Variants in USP7 observed in about 807,000 individuals in gnomAD.
USP7 encodes ubiquitin C-terminal hydrolase 7.
USP7 carries 9 observed loss-of-function variants against 162.9 expected under a neutral mutation model. The ratio of observed to expected loss-of-function variants is 0.06; its 90% CI spans 0.03 to 0.10. The LOEUF is 0.10. USP7 is among the 10% of genes least tolerant of loss of function. The pLI is 1.00. For synonymous variants in USP7, 562 were observed against 475.9 expected, an observed-to-expected ratio of 1.18 and a Z score of -2.35; for missense variants, 715 against 1,373.7, an observed-to-expected ratio of 0.52 and a Z score of 7.58.
chr16:8,910,271 G>A (rs1016192348), intron 11 of USP7, among the ~76,000 whole-genome samples: 3 of 152,108 alleles, frequency 2.0e-5, no homozygotes, highest in Non-Finnish European at 2.9e-5. Flanking sequence ...CATGCTCACT[G>A]CTCTCTCAGA....
At chr16:8,918,744 G>C (rs761640834) in intron 6 of USP7, among the ~76,000 whole-genome samples, 1 of 152,218 alleles carries the variant, frequency 6.6e-6, no homozygotes, top group Non-Finnish European at 1.5e-5. Flanking sequence ...AGGAGACAGA[G>C]GCTGCAGTGA....
At chr16:8,901,999 C>G (rs2061782280) in intron 18 of USP7, 83 bp downstream of exon 18, 1 of 1,175,296 alleles carries the variant, frequency 8.5e-7, no homozygotes, top group African/African-American at 1.5e-5. Flanking sequence ...GGGAAGAAGG[C>G]TTAACCCTGT....
At chr16:8,919,980 A>G (rs906832297) in intron 5 of USP7, among the ~76,000 whole-genome samples, 2 of 152,092 alleles carry the variant, frequency 1.3e-5, no homozygotes, top group African/African-American at 4.8e-5. Flanking sequence ...CTCTTCCCCC[A>G]GTCCCCCCTT....
intron 2 of USP7, among the ~76,000 whole-genome samples, chr16:8,926,596 T>C (rs913537216): frequency 4.6e-5 from 7 of 152,222 alleles, no homozygotes; most frequent in African/African-American, 1.7e-4. Flanking sequence ...TGAGACTCAG[T>C]GATGGAGATC....
chr16:8,941,195 CCTGA>C (rs1899031973), intron 1 of USP7, among the ~76,000 whole-genome samples: 1 of 152,194 alleles, frequency 6.6e-6, no homozygotes. Context: ...GCCCTCTGTG[CCTGA>C]CTGGATACCT....
intron 6 of USP7, 79 bp from the exon 7 acceptor site, chr16:8,917,235 A>T: frequency 6.9e-7 from 1 of 1,459,402 alleles, no homozygotes; most frequent in Non-Finnish European, 9.1e-7. Flanking sequence ...TTTAATCTTC[A>T]TGTTTAAAAA....
At chr16:8,953,526 G>A (rs1899657685) in intron 1 of USP7, among the ~76,000 whole-genome samples, 1 of 128,158 alleles carries the variant, frequency 7.8e-6, no homozygotes, top group African/African-American at 2.8e-5. Context: ...GCCACTGGAA[G>A]CAGAGGGAAG....
Position 8,963,417 on chromosome 16 carries a change from C to A in USP7, c.-132G>T, listed in dbSNP as rs1460719252. On this transcript the variant is annotated 5_prime_UTR_variant, in exon 1 of 31. Coordinates refer to ENST00000344836, the MANE Select transcript of USP7 (RefSeq NM_003470.3). The stretch of plus-strand genomic sequence containing the variant: ...GCCTCCTCCTCCTCCTCCCGCGCGT[C>A]GTCGGCGACGGCGGCCCCGGGGCGG... 2.6e-5 allele frequency: 4 copies of A among 153,288 alleles called. No individual in the cohort carries two copies. In the South Asian group the frequency reaches 5.3e-4, roughly 20 times the overall value. 9.5% of individuals were successfully genotyped at this position (153,288 alleles called of 1,614,324 possible).
intron 25 of USP7, among the ~76,000 whole-genome samples, chr16:8,897,730 T>A (rs532991244): frequency 1.5e-3 from 106 of 70,080 alleles, no homozygotes; most frequent in African/African-American, 2.8e-3. Context: ...AAAAAAAATA[T>A]ATATATATAT....
intron 1 of USP7, among the ~76,000 whole-genome samples, chr16:8,938,744 G>C (rs1898893598): frequency 6.6e-6 from 1 of 151,410 alleles, no homozygotes; most frequent in Non-Finnish European, 1.5e-5. Flanking sequence ...GGGGGAGTCT[G>C]TACCAAACAT....
At chr16:8,904,713 C>A in intron 14 of USP7, 148 bp from the exon 15 acceptor site, 1 of 1,211,310 alleles carries the variant, frequency 8.3e-7, no homozygotes, top group Non-Finnish European at 1.1e-6. Context: ...GAGGCTGAGG[C>A]GGGCCGATCA....
At position 8,902,118 on chromosome 16, in the gene USP7, C is replaced by T; in HGVS notation, c.2011G>A (p.Ala671Thr). Residue 671 changes from alanine to threonine, a missense_variant, in exon 18 of 31, where the codon GCT becomes ACT. Transcript: ENST00000344836. ...FLETVDPELAASGATLPKFDK... is the reference protein window; with the variant it reads ...FLETVDPELATSGATLPKFDK... ...AACTTGGGTAAGGTCGCTCCACTAGCAGCCAGCTCGGGATCAACTGTTTCC... is the reference window on the plus strand; with the variant it reads ...AACTTGGGTAAGGTCGCTCCACTAGTAGCCAGCTCGGGATCAACTGTTTCC... 3.7e-6 allele frequency: 6 copies of T among 1,614,228 alleles called. No individual in the cohort carries two copies. Among genetic ancestry groups the T allele is most frequent in the Non-Finnish European group, 4.2e-6 (5 of 1,180,040 alleles).
intron 21 of USP7, 37 bp downstream of exon 21, chr16:8,900,493 T>G (rs2061757614): frequency 3.4e-6 from 5 of 1,453,224 alleles, no homozygotes; most frequent in Non-Finnish European, 4.7e-6. Context: ...ATCCTGAAAT[T>G]AGTACAAAGT....
intron 18 of USP7, 169 bp downstream of exon 18, chr16:8,901,913 G>C: frequency 1.6e-6 from 1 of 639,252 alleles, no homozygotes; most frequent in Admixed American, 3.0e-5. Context: ...GAAACTCGCA[G>C]CCAAGTCAGT....
intron 1 of USP7, among the ~76,000 whole-genome samples, chr16:8,953,361 T>TG (rs1176378571): frequency 6.6e-6 from 1 of 152,096 alleles, no homozygotes; most frequent in East Asian, 1.9e-4. Flanking sequence ...AGTCAGCAGA[T>TG]GTTTGATGAA....
At chr16:8,894,938 C>A in intron 28 of USP7, 83 bp from the exon 29 acceptor site, 2 of 1,613,566 alleles carry the variant, frequency 1.2e-6, no homozygotes, top group Non-Finnish European at 1.7e-6. Flanking sequence ...AAAACCAACG[C>A]CTAACCCCAG....
At chr16:8,894,155 C>T in intron 30 of USP7, 51 bp from the exon 31 acceptor site, 1 of 1,553,270 alleles carries the variant, frequency 6.4e-7, no homozygotes, top group Non-Finnish European at 8.9e-7. Context: ...CCCTGGAACC[C>T]CTCAGCGGGG....
rs759535435 is a variant in USP7, at chr16:8,895,180, G to C, written c.2920-30C>G. ...GGACACGGACAACAGACACAGTTCT[G>C]TAAGTGCAAGTGATGTGGTCAAAGT... On this transcript the variant is annotated intron_variant, in intron 27 of 30. Transcript: ENST00000344836. The C allele has an allele frequency of 1.1e-5, 17 of 1,613,898 alleles. No individual in the cohort carries two copies. In the Admixed American group the frequency reaches 1.2e-4, roughly 11 times the overall value.
At chr16:8,895,232 C>T in intron 27 of USP7, 82 bp from the exon 28 acceptor site, 4 of 1,601,402 alleles carry the variant, frequency 2.5e-6, no homozygotes, top group Non-Finnish European at 3.4e-6. Context: ...TCACACTACT[C>T]TAACCCGGAG....
Sources: allele counts gnomAD v4.1 joint callset (sites outside exome capture counted in the v4.1 genomes callset), GRCh38; gene constraint gnomAD v4.1.1; transcripts MANE v1.5; gene names NCBI Gene and HGNC (gene_info 2026-07-23, HGNC 2026-07-21).